ZNF385D: variants seen among roughly 807,000 people sequenced by gnomAD.
ZNF385D encodes zinc finger protein 385D, also known as zinc finger protein 659.
ZNF385D carries 15 observed loss-of-function variants against 35.8 expected under a neutral mutation model. The observed-to-expected ratio is 0.42, with a 90% CI of 0.28 to 0.64. ZNF385D has a LOEUF of 0.64. Ranked by LOEUF, ZNF385D falls within the 30% of genes least tolerant of loss-of-function variation. The pLI, the probability that ZNF385D is intolerant of heterozygous loss-of-function variation, is 0.23. For synonymous variants in ZNF385D, 212 were observed against 186.8 expected (o/e 1.13, Z -1.10); for missense variants, 474 against 494.6 (o/e 0.96, Z 0.39).
chr3:22,321,912 A>G (rs1192718073), intron 2 of ZNF385D, among the ~76,000 whole-genome samples: 1 of 151,988 alleles, frequency 6.6e-6, no homozygotes, highest in African/African-American at 2.4e-5. Context: ...AATTTTTAAG[A>G]TAATTATTTC....
At chr3:21,695,556 C>T (rs1248620398) in intron 1 of ZNF385D, among the ~76,000 whole-genome samples, 3 of 152,152 alleles carry the variant, frequency 2.0e-5, no homozygotes, top group African/African-American at 7.2e-5. Flanking sequence ...AATGCCAGGT[C>T]TCTTTCTCAG....
chr3:21,478,260 T>C (rs1335572045), intron 4 of ZNF385D, among the ~76,000 whole-genome samples: 1 of 152,180 alleles, frequency 6.6e-6, no homozygotes, highest in African/African-American at 2.4e-5. Context: ...TTGTTCAAAA[T>C]ATTCAAATAT....
chr3:21,869,602 T>C (rs1697576493), intron 3 of ZNF385D, among the ~76,000 whole-genome samples: 1 of 152,098 alleles, frequency 6.6e-6, no homozygotes. Flanking sequence ...AATACAGGCT[T>C]AAAATGTATT....
chr3:21,936,608 C>A (rs562958637), intron 3 of ZNF385D, among the ~76,000 whole-genome samples: 2 of 151,828 alleles, frequency 1.3e-5, no homozygotes, highest in Non-Finnish European at 2.9e-5. Flanking sequence ...TTAAATGTTT[C>A]CTCTACTAGA....
chr3:21,588,618 A>T (rs960892991), intron 2 of ZNF385D, among the ~76,000 whole-genome samples: 30 of 152,160 alleles, frequency 2.0e-4, no homozygotes, highest in Non-Finnish European at 4.3e-4. Flanking sequence ...AATTTTTAAA[A>T]GTCTGTTTTC....
chr3:21,456,248 A>G (rs527656751), intron 4 of ZNF385D, among the ~76,000 whole-genome samples: 138 of 152,326 alleles, frequency 9.1e-4, no homozygotes, highest in African/African-American at 3.0e-3. Context: ...ATATACCCAA[A>G]GGATTATAAA....
At chr3:21,906,481 A>G (rs561965649) in intron 3 of ZNF385D, among the ~76,000 whole-genome samples, 2 of 152,318 alleles carry the variant, frequency 1.3e-5, no homozygotes, top group South Asian at 4.1e-4. Flanking sequence ...ACACAGTTCT[A>G]TGTCCTGAAA....
intron 3 of ZNF385D, among the ~76,000 whole-genome samples, chr3:21,819,734 GTATA>G (rs1273825831): frequency 7.3e-6 from 1 of 137,312 alleles, no homozygotes; most frequent in Non-Finnish European, 1.6e-5. Context: ...ATGTACGTGT[GTATA>G]TATACACACA....
chr3:21,480,808 GTCC>G (rs1704575180), intron 4 of ZNF385D, among the ~76,000 whole-genome samples: 1 of 152,030 alleles, frequency 6.6e-6, no homozygotes, highest in Non-Finnish European at 1.5e-5. Flanking sequence ...ATTTAAATCT[GTCC>G]TATAATTCAA....
chr3:21,782,246 T>G (rs370832309), intron 3 of ZNF385D, among the ~76,000 whole-genome samples: 5 of 152,114 alleles, frequency 3.3e-5, no homozygotes, highest in African/African-American at 1.2e-4. Context: ...TGATACTTAG[T>G]AGTGCCGGCC....
At chr3:22,008,407 C>T (rs937115735) in intron 3 of ZNF385D, among the ~76,000 whole-genome samples, 2 of 145,250 alleles carry the variant, frequency 1.4e-5, no homozygotes, top group East Asian at 2.0e-4. Flanking sequence ...GGTTGGAGTG[C>T]AGTGGCCCGA....
At chr3:21,772,116 A>G (rs933217936) in intron 3 of ZNF385D, among the ~76,000 whole-genome samples, 1 of 152,004 alleles carries the variant, frequency 6.6e-6, no homozygotes, top group Non-Finnish European at 1.5e-5. Context: ...AACGAGAAAT[A>G]TAACGCTTCT....
chr3:21,928,204 T>G (rs1205766751), intron 3 of ZNF385D, among the ~76,000 whole-genome samples: 1 of 147,460 alleles, frequency 6.8e-6, no homozygotes, highest in Non-Finnish European at 1.5e-5. Context: ...AGTAAGAGCA[T>G]AGGAAGGAAA....
At chr3:21,673,604 G>A (rs750988990) in intron 1 of ZNF385D, among the ~76,000 whole-genome samples, 7 of 152,054 alleles carry the variant, frequency 4.6e-5, no homozygotes, top group Non-Finnish European at 8.8e-5. Flanking sequence ...AGAAATCATC[G>A]TCCATTTCTA....
intron 1 of ZNF385D, among the ~76,000 whole-genome samples, chr3:21,717,028 G>C (rs1005443408): frequency 6.6e-6 from 1 of 152,172 alleles, no homozygotes; most frequent in Non-Finnish European, 1.5e-5. Context: ...AGCTACTCAG[G>C]AGTCTGAGGC....
chr3:21,648,359 C>T (rs2065814554), intron 2 of ZNF385D, among the ~76,000 whole-genome samples: 1 of 152,140 alleles, frequency 6.6e-6, no homozygotes. Context: ...CCTCCTCCAG[C>T]CATGTGGAAC....
At chr3:22,275,453 C>T (rs981173971) in intron 2 of ZNF385D, among the ~76,000 whole-genome samples, 16 of 151,374 alleles carry the variant, frequency 1.1e-4, no homozygotes, top group African/African-American at 3.4e-4. Context: ...GACACTTATA[C>T]TCTATCAAGG....
At chr3:21,788,261 C>T (rs922953448) in intron 3 of ZNF385D, among the ~76,000 whole-genome samples, 1 of 152,222 alleles carries the variant, frequency 6.6e-6, no homozygotes, top group African/African-American at 2.4e-5. Context: ...AGTGAATCAC[C>T]TGAGGTCAGG....
At chr3:22,295,172 C>T (rs1257882194) in intron 2 of ZNF385D, among the ~76,000 whole-genome samples, 2 of 152,128 alleles carry the variant, frequency 1.3e-5, no homozygotes, top group South Asian at 2.1e-4. Flanking sequence ...TCTTTCTCTA[C>T]ATTTGAATAA....
Sources: allele counts gnomAD v4.1 joint callset (sites outside exome capture counted in the v4.1 genomes callset), GRCh38; gene constraint gnomAD v4.1.1; transcripts MANE v1.5; gene names NCBI Gene and HGNC (gene_info 2026-07-23, HGNC 2026-07-21).